Variants in SORCS2 observed in about 807,000 individuals in gnomAD.
SORCS2 encodes the protein sortilin related VPS10 domain containing receptor 2, also known as VPS10 domain-containing receptor SorCS2.
Under a neutral mutation model 141.6 loss-of-function variants are expected in SORCS2, and 100 were observed. The observed-to-expected ratio is 0.71, with a 90% CI of 0.60 to 0.83. The LOEUF (loss-of-function observed/expected upper bound fraction) is 0.83. Among genes scored for constraint, SORCS2 ranks in the 40% least tolerant of loss-of-function variants. SORCS2 has a pLI of 0.00. For synonymous variants in SORCS2, 789 were observed against 676.9 expected (o/e 1.17, Z -2.57); for missense variants, 1,646 against 1,560.2 (o/e 1.05, Z -0.93).
intron 1 of SORCS2, among the ~76,000 whole-genome samples, chr4:7,243,528 C>T (rs1477558830): frequency 3.3e-5 from 5 of 152,174 alleles, no homozygotes; most frequent in Admixed American, 6.5e-5. Flanking sequence ...AACCCTCTCC[C>T]GGCAGAGCCA....
At position 7,664,523 on chromosome 4, in the gene SORCS2, T is replaced by G; in HGVS notation, c.1071+52T>G. 5 of 1,375,610 alleles carry G rather than the reference T, an allele frequency of 3.6e-6. No individual in the cohort carries two copies. Among genetic ancestry groups the G allele is most frequent in the Non-Finnish European group, 5.0e-6 (5 of 995,582 alleles). The allele number at this position is 1,375,610 out of a possible 1,614,324, so 85.2% of individuals were successfully genotyped here. On this transcript the variant is annotated intron_variant, in intron 7 of 26. Coordinates refer to ENST00000507866, the MANE Select transcript of SORCS2 (RefSeq NM_020777.3). The surrounding 1 kb of genome is among the most constrained non-coding windows in gnomAD (Gnocchi z 4.7). ...AATTGGCAACAGGTGACGTGGCGGA[T>G]GACCCGTTCGCGGCAAAAATGGCAT...
chr4:7,505,504 G>A (rs1732223464), intron 2 of SORCS2, among the ~76,000 whole-genome samples: 1 of 152,152 alleles, frequency 6.6e-6, no homozygotes, highest in Non-Finnish European at 1.5e-5. Flanking sequence ...AGACATCTGG[G>A]GGTCCCCCAG....
Position 7,725,247 on chromosome 4 carries a change from A to C in SORCS2, c.2705A>C (p.Asn902Thr). 1 of 1,613,452 alleles carries C rather than the reference A, an allele frequency of 6.2e-7. No homozygotes were observed. The highest frequency in any genetic ancestry group is 1.3e-5 in the African/African-American group (1 of 74,988). Reference protein sequence around the residue: ...LTAVLLPLNPNLTVFYWWIGH... With the variant: ...LTAVLLPLNPTLTVFYWWIGH... ...GCTGTGCTGCTTCCCTTGAACCCTA[A>C]CCTCACCGTCTTCTACTGGTGGATC... Residue 902 changes from asparagine (N) to threonine (T), a missense_variant, in exon 20 of 27, where the codon AAC becomes ACC. Coordinates refer to ENST00000507866, the MANE Select transcript of SORCS2 (RefSeq NM_020777.3).
At chr4:7,539,428 T>G (rs537425910) in intron 3 of SORCS2, among the ~76,000 whole-genome samples, 2 of 152,232 alleles carry the variant, frequency 1.3e-5, no homozygotes, top group Non-Finnish European at 2.9e-5. Context: ...CCGCTTCCTG[T>G]GGACTCTGTG....
chr4:7,528,043 G>GTCTC (rs1244726245), intron 2 of SORCS2, among the ~76,000 whole-genome samples: 2 of 147,862 alleles, frequency 1.4e-5, no homozygotes, highest in African/African-American at 5.2e-5. Context: ...CTCTCTCTCT[G>GTCTC]TCTCTCTCTG....
intron 2 of SORCS2, among the ~76,000 whole-genome samples, chr4:7,510,802 G>C (rs1732593449): frequency 6.6e-6 from 1 of 152,048 alleles, no homozygotes; most frequent in Non-Finnish European, 1.5e-5. Flanking sequence ...TCTGCTCAAC[G>C]TCAGAGTGGA....
At chr4:7,703,136 T>C in intron 12 of SORCS2, 144 bp from the exon 13 acceptor site, 1 of 616,330 alleles carries the variant, frequency 1.6e-6, no homozygotes, top group Non-Finnish European at 2.8e-6. Flanking sequence ...GCCCGGGACA[T>C]GCAGGGAACC....
chr4:7,297,699 C>A (rs201662848), intron 1 of SORCS2, among the ~76,000 whole-genome samples: 1 of 152,202 alleles, frequency 6.6e-6, no homozygotes, highest in Admixed American at 6.5e-5. Context: ...AAAGAGCTGC[C>A]GTGTAGAAGG....
At position 7,413,391 on chromosome 4, in the gene SORCS2, C is replaced by CTTTTTTTTT. The variant is rs34379092; in HGVS notation, c.548+17048_548+17056dup. On this transcript the variant is annotated intron_variant, in intron 2 of 26. Transcript: ENST00000507866. Reference sequence around the variant, plus strand: ...ATGATCCTCCGTATTTTCACAGCTGCTTTTTTTTTTTTTTTTTTTTGAGAT... The same window carrying CTTTTTTTTT: ...ATGATCCTCCGTATTTTCACAGCTGCTTTTTTTTTTTTTTTTTTTTTTTTTTTTTGAGAT... Among the ~76,000 whole-genome samples, 40 of 84,822 alleles carry CTTTTTTTTT rather than the reference C, an allele frequency of 4.7e-4. 2 individuals carry two copies. The highest frequency in any genetic ancestry group is 9.1e-4 in the African/African-American group (22 of 24,072). 55.6% of individuals were successfully genotyped at this position (84,822 alleles called of 152,430 possible). A position where few individuals can be genotyped will look rare whatever the true frequency, so the allele number is the denominator to read the frequency against.
At chr4:7,462,759 A>T (rs562334607) in intron 2 of SORCS2, among the ~76,000 whole-genome samples, 1 of 151,540 alleles carries the variant, frequency 6.6e-6, no homozygotes, top group South Asian at 2.2e-4. Context: ...TGCACGGAAG[A>T]AGCCGGTGCA....
At chr4:7,448,087 C>G (rs1052441251) in intron 2 of SORCS2, among the ~76,000 whole-genome samples, 16 of 152,204 alleles carry the variant, frequency 1.1e-4, no homozygotes, top group African/African-American at 3.6e-4. Flanking sequence ...AAACACATCC[C>G]TGTACGTAGG....
At chr4:7,399,896 C>T (rs1372324683) in intron 2 of SORCS2, among the ~76,000 whole-genome samples, 1 of 152,182 alleles carries the variant, frequency 6.6e-6, no homozygotes, top group Non-Finnish European at 1.5e-5. Context: ...CAGCACTTCT[C>T]AGACTCCACG....
Position 7,396,334 on chromosome 4 carries a change from T to A in SORCS2, c.527T>A (p.Val176Asp). Residue 176 changes from valine to aspartate, a missense_variant, in exon 2 of 27, where the codon GTT becomes GAT. Val to Asp is a radical substitution (Grantham distance 152). Transcript: ENST00000507866. ...TKYYHADMGK[V>D]LESSLWRSSD... is the part of the protein sequence containing the mutation. ...TACTACCACGCAGACATGGGGAAGGTTCTGGAAAGTTCTCTGTGGCGGTAA... is the reference window on the plus strand; with the variant it reads ...TACTACCACGCAGACATGGGGAAGGATCTGGAAAGTTCTCTGTGGCGGTAA... The A allele has an allele frequency of 6.2e-7, 1 of 1,613,978 alleles. No homozygotes were observed. Among genetic ancestry groups the A allele is most frequent in the Non-Finnish European group, 8.5e-7 (1 of 1,179,872 alleles).
intron 3 of SORCS2, among the ~76,000 whole-genome samples, chr4:7,586,355 T>C (rs1401515786): frequency 6.6e-6 from 1 of 152,236 alleles, no homozygotes; most frequent in East Asian, 1.9e-4. Flanking sequence ...CCAAGGTACA[T>C]GTGCAGGATG....
intron 16 of SORCS2, 58 bp from the exon 17 acceptor site, chr4:7,715,125 G>A: frequency 6.3e-7 from 1 of 1,599,282 alleles, no homozygotes; most frequent in Non-Finnish European, 8.5e-7. Context: ...CCCCAACCCT[G>A]GGTGACTCCG....
At chr4:7,698,547 G>A (rs531620828) in intron 12 of SORCS2, among the ~76,000 whole-genome samples, 46 of 152,298 alleles carry the variant, frequency 3.0e-4, no homozygotes, top group Middle Eastern at 6.8e-3. Flanking sequence ...AGATTCCCCC[G>A]TATTAGATTC....
At chr4:7,518,648 A>C (rs1733136124) in intron 2 of SORCS2, among the ~76,000 whole-genome samples, 1 of 152,040 alleles carries the variant, frequency 6.6e-6, no homozygotes, top group Non-Finnish European at 1.5e-5. Context: ...GCAGCGGGAG[A>C]AAGAGGTAAC....
intron 2 of SORCS2, among the ~76,000 whole-genome samples, chr4:7,498,230 G>C (rs1408262455): frequency 1.3e-5 from 2 of 152,156 alleles, no homozygotes; most frequent in African/African-American, 2.4e-5. Flanking sequence ...ATGGCTGTGG[G>C]CCAACCTCTC....
intron 4 of SORCS2, among the ~76,000 whole-genome samples, chr4:7,641,919 CAGAT>C (rs1376981447): frequency 1.5e-4 from 13 of 85,162 alleles, no homozygotes; most frequent in Admixed American, 3.1e-4. Flanking sequence ...GATGTGTGGA[CAGAT>C]GGATGGATAG....
Sources: gnomAD v4.1 joint callset for allele counts (sites outside exome capture counted in the v4.1 genomes callset) on GRCh38, gnomAD v4.1.1 for gene constraint, Gnocchi (gnomAD v3.1) non-coding constraint, MANE v1.5 for transcripts, NCBI Gene and HGNC (gene_info 2026-07-23, HGNC 2026-07-21) for gene names.